PLD5: variants seen among roughly 807,000 people sequenced by gnomAD.
PLD5 encodes phospholipase D family member 5.
Under a neutral mutation model 61.1 loss-of-function variants are expected in PLD5, and 36 were observed. The ratio of observed to expected loss-of-function variants is 0.59; its 90% CI spans 0.45 to 0.78. The LOEUF (loss-of-function observed/expected upper bound fraction) is 0.78, where lower values mean the gene tolerates loss of function less well. Ranked by LOEUF, PLD5 falls within the 30% of genes least tolerant of loss-of-function variation. PLD5 has a pLI of 0.00. For missense variants in PLD5, 515 were observed against 644.4 expected (o/e 0.80, Z 2.17); for synonymous variants, 243 against 242.8 (o/e 1.00, Z -0.01).
At chr1:242,321,010 T>C (rs1160424371) in intron 2 of PLD5, among the ~76,000 whole-genome samples, 1 of 152,240 alleles carries the variant, frequency 6.6e-6, no homozygotes, top group African/African-American at 2.4e-5. Flanking sequence ...ATCTGCTAAC[T>C]ATTTGCAGTA....
upstream of PLD5, among the ~76,000 whole-genome samples, chr1:242,528,697 G>A (rs1019364713): frequency 4.6e-5 from 7 of 152,064 alleles, no homozygotes; most frequent in Non-Finnish European, 1.0e-4. Flanking sequence ...TCCATCTTTC[G>A]AAAGGAGGAA....
chr1:242,528,767 C>T (rs961353273), upstream of PLD5, among the ~76,000 whole-genome samples: 2 of 152,092 alleles, frequency 1.3e-5, no homozygotes, highest in Non-Finnish European at 2.9e-5. Context: ...AGAGTCTGGT[C>T]AAAAAGCCAG....
intron 4 of PLD5, among the ~76,000 whole-genome samples, chr1:242,228,474 G>A (rs1671094771): frequency 6.6e-6 from 1 of 152,114 alleles, no homozygotes; most frequent in Non-Finnish European, 1.5e-5. Context: ...ACCAAATGTG[G>A]GCACTAACCT....
At chr1:242,470,321 G>A (rs1490046115) in intron 1 of PLD5, among the ~76,000 whole-genome samples, 1 of 150,332 alleles carries the variant, frequency 6.7e-6, no homozygotes, top group Non-Finnish European at 1.5e-5. Flanking sequence ...CAGCTTGGGC[G>A]ACAGAGCGAC....
At chr1:242,384,982 G>A (rs1662517382) in intron 1 of PLD5, among the ~76,000 whole-genome samples, 1 of 152,144 alleles carries the variant, frequency 6.6e-6, no homozygotes, top group African/African-American at 2.4e-5. Context: ...AAAAGTACCA[G>A]GTGAGCCTGA....
chr1:242,220,719 ATTT>A (rs1558361459), intron 4 of PLD5, among the ~76,000 whole-genome samples: 50 of 141,250 alleles, frequency 3.5e-4, no homozygotes, highest in Middle Eastern at 7.0e-3. Context: ...ATTTTATTTT[ATTT>A]TATTTTATTT....
chr1:242,232,022 A>C (rs1325645383), intron 4 of PLD5, among the ~76,000 whole-genome samples: 1 of 151,912 alleles, frequency 6.6e-6, no homozygotes, highest in Non-Finnish European at 1.5e-5. Flanking sequence ...GATATTCAAA[A>C]TCTAATTGCG....
intron 4 of PLD5, among the ~76,000 whole-genome samples, chr1:242,249,701 T>C (rs1672594407): frequency 6.6e-6 from 1 of 152,176 alleles, no homozygotes; most frequent in South Asian, 2.1e-4. Context: ...ATCATCTAAC[T>C]GGGCAAATGA....
intron 1 of PLD5, among the ~76,000 whole-genome samples, chr1:242,509,971 A>C (rs938648788): frequency 1.3e-5 from 2 of 152,194 alleles, no homozygotes; most frequent in African/African-American, 4.8e-5. Context: ...AGTTAGCATC[A>C]GCCTTGGAGC....
chr1:242,181,209 C>A (rs1218318343), intron 5 of PLD5, among the ~76,000 whole-genome samples: 1 of 152,136 alleles, frequency 6.6e-6, no homozygotes, highest in African/African-American at 2.4e-5. Context: ...GAGAATTCTG[C>A]ATTTCTAACA....
At chr1:242,249,582 T>C (rs1672590385) in intron 4 of PLD5, among the ~76,000 whole-genome samples, 1 of 152,144 alleles carries the variant, frequency 6.6e-6, no homozygotes, top group Non-Finnish European at 1.5e-5. Flanking sequence ...GAGAAGGAAA[T>C]CACTTAATAC....
At chr1:242,253,115 CTTTT>C (rs35097685) in intron 4 of PLD5, among the ~76,000 whole-genome samples, 5 of 73,192 alleles carry the variant, frequency 6.8e-5, no homozygotes, top group East Asian at 3.8e-4. Flanking sequence ...GTGTATGGCC[CTTTT>C]TTTTTTTTTT....
At chr1:242,465,501 G>T (rs1249908299) in intron 1 of PLD5, among the ~76,000 whole-genome samples, 1 of 152,172 alleles carries the variant, frequency 6.6e-6, no homozygotes, top group Non-Finnish European at 1.5e-5. Context: ...TTTTAACAAT[G>T]GCCCAGGAGG....
At chr1:242,385,799 C>T (rs182504271) in intron 1 of PLD5, among the ~76,000 whole-genome samples, 57 of 152,272 alleles carry the variant, frequency 3.7e-4, no homozygotes, top group Admixed American at 2.9e-3. Context: ...TGATGGTCAA[C>T]GAGGTATTTG....
chr1:242,218,484 C>T (rs1382311630), intron 5 of PLD5, among the ~76,000 whole-genome samples: 1 of 152,090 alleles, frequency 6.6e-6, no homozygotes, highest in Non-Finnish European at 1.5e-5. Flanking sequence ...TAGTTCAATC[C>T]AGAGATTAGT....
intron 1 of PLD5, among the ~76,000 whole-genome samples, chr1:242,388,318 G>A (rs1558518847): frequency 6.6e-6 from 1 of 152,172 alleles, no homozygotes; most frequent in African/African-American, 2.4e-5. Context: ...TATGTGAAAT[G>A]TGTGGTCCTG....
At chr1:242,417,066 A>G (rs1330745581) in intron 1 of PLD5, among the ~76,000 whole-genome samples, 1 of 152,238 alleles carries the variant, frequency 6.6e-6, no homozygotes, top group African/African-American at 2.4e-5. Context: ...CAAAAGAGTT[A>G]TAATTTTAAA....
At chr1:242,500,708 C>T (rs1668526057) in intron 1 of PLD5, among the ~76,000 whole-genome samples, 1 of 152,066 alleles carries the variant, frequency 6.6e-6, no homozygotes, top group Non-Finnish European at 1.5e-5. Context: ...AGCAAAGGTA[C>T]AGAGCCCAGG....
chr1:242,247,065 G>A (rs1014475037), intron 4 of PLD5, among the ~76,000 whole-genome samples: 1 of 150,704 alleles, frequency 6.6e-6, no homozygotes, highest in African/African-American at 2.5e-5. Context: ...CTCACTGCAA[G>A]CTCCGCCTCC....
Sources: gnomAD v4.1 joint callset for allele counts (sites outside exome capture counted in the v4.1 genomes callset) on GRCh38, gnomAD v4.1.1 for gene constraint, MANE v1.5 for transcripts, NCBI Gene and HGNC (gene_info 2026-07-23, HGNC 2026-07-21) for gene names.